PRRC2B: variants seen among roughly 807,000 people sequenced by gnomAD.
PRRC2B encodes the protein proline rich coiled-coil 2B.
Under a neutral mutation model 242.3 loss-of-function variants are expected in PRRC2B, and 68 were observed. The observed-to-expected ratio is 0.28, with a 90% CI of 0.23 to 0.34. The LOEUF is 0.34. PRRC2B is among the 10% of genes least tolerant of loss of function. The pLI is 1.00. For missense variants in PRRC2B, 2,835 were observed against 2,954.8 expected (o/e 0.96, Z 0.94); for synonymous variants, 1,228 against 1,173.6 (o/e 1.05, Z -0.95).
At chr9:131,420,408 T>C (rs1270917769) in intron 1 of PRRC2B, among the ~76,000 whole-genome samples, 1 of 151,574 alleles carries the variant, frequency 6.6e-6, no homozygotes. Flanking sequence ...GCTTTAGGGC[T>C]CTTTGAAAGC....
In PRRC2B at chr9:131,482,916, T is replaced by A. The variant is rs1348277372; in HGVS notation, c.5373+9T>A. The stretch of plus-strand genomic sequence containing the variant: ...TTGGAGTCAGTCCAAAAGTGAGGCT[T>A]TGATTTGTTTTCTTGCTTGCTTTTT... On this transcript the variant is annotated intron_variant, in intron 22 of 31. Transcript: ENST00000683519. The surrounding 1 kb of genome is among the most constrained non-coding windows in gnomAD (Gnocchi z 5.2). The A allele has an allele frequency of 3.8e-6, 6 of 1,598,546 alleles. No homozygotes were observed. Among genetic ancestry groups the A allele is most frequent in the Non-Finnish European group, 4.3e-6 (5 of 1,172,322 alleles).
At chr9:131,433,122 CAG>C (rs1349843174) in intron 3 of PRRC2B, among the ~76,000 whole-genome samples, 45 of 152,210 alleles carry the variant, frequency 3.0e-4, no homozygotes, top group Non-Finnish European at 7.3e-5. Context: ...TGCAATGACT[CAG>C]AGCCAATTCC....
chr9:131,476,621 CGT>C, intron 16 of PRRC2B, 86 bp downstream of exon 16: 1 of 1,278,012 alleles, frequency 7.8e-7, no homozygotes, highest in Non-Finnish European at 1.1e-6. Flanking sequence ...CCGATGCCGC[CGT>C]GTGTCGGGGC....
chr9:131,443,694 G>A (rs1043425726), intron 5 of PRRC2B, among the ~76,000 whole-genome samples: 2 of 152,222 alleles, frequency 1.3e-5, no homozygotes, highest in South Asian at 2.1e-4. Flanking sequence ...GCCTCCCAAA[G>A]TGCTAGGATT....
chr9:131,488,271 T>A (rs1944084072), intron 28 of PRRC2B, among the ~76,000 whole-genome samples, 175 bp downstream of exon 28: 1 of 131,350 alleles, frequency 7.6e-6, no homozygotes, highest in Admixed American at 8.5e-5. Context: ...CCCATCACCT[T>A]TTTTTTTTTT....
intron 1 of PRRC2B, among the ~76,000 whole-genome samples, chr9:131,385,675 T>C (rs1836816447): frequency 6.6e-6 from 1 of 150,538 alleles, no homozygotes; most frequent in African/African-American, 2.4e-5. Flanking sequence ...CCCAGAAAAA[T>C]GCTCAGTAAA....
chr9:131,474,339 A>C (rs1369630915), intron 15 of PRRC2B, 115 bp from the exon 16 acceptor site: 4 of 895,166 alleles, frequency 4.5e-6, no homozygotes, highest in Non-Finnish European at 5.0e-6. Context: ...TCTTTTTAAA[A>C]AGTGTTTTAG....
chr9:131,444,252 A>C lies in PRRC2B; in HGVS notation c.537A>C (p.Gly179=). 6.2e-7 allele frequency: 1 copy of C among 1,613,972 alleles called. No individual in the cohort carries two copies. The highest frequency in any genetic ancestry group is 8.5e-7 in the Non-Finnish European group (1 of 1,179,878). Reference sequence around the variant, plus strand: ...AATTTCCGACGCTGAAAGCAGCTGGAGGGCAGGACAAGGCTGGCAAAGAAA... The same window carrying C: ...AATTTCCGACGCTGAAAGCAGCTGGCGGGCAGGACAAGGCTGGCAAAGAAA... ...PEEFPTLKAA[G]GQDKAGKEKG... is the part of the protein sequence containing the mutation. The change falls in exon 6 of 32, where the codon GGA becomes GGC. Residue 179 remains glycine (G), a synonymous_variant. Transcript: ENST00000683519.
intron 1 of PRRC2B, among the ~76,000 whole-genome samples, chr9:131,418,633 A>G (rs1305894696): frequency 6.6e-6 from 1 of 152,174 alleles, no homozygotes; most frequent in African/African-American, 2.4e-5. Context: ...CCTACAGGGG[A>G]AAGGCTTTGG....
chr9:131,444,755 C>T (rs769702239), intron 6 of PRRC2B, among the ~76,000 whole-genome samples: 1 of 152,154 alleles, frequency 6.6e-6, no homozygotes, highest in Non-Finnish European at 1.5e-5. Context: ...CCAATTAGGA[C>T]CTGTATTTTT....
chr9:131,468,046 C>A (rs1189698904), intron 13 of PRRC2B, among the ~76,000 whole-genome samples: 1 of 152,210 alleles, frequency 6.6e-6, no homozygotes, highest in Non-Finnish European at 1.5e-5. Context: ...CTATTCAGTG[C>A]TGTTTGCAGT....
At chr9:131,410,533 T>C (rs919345742) in intron 1 of PRRC2B, among the ~76,000 whole-genome samples, 1 of 152,136 alleles carries the variant, frequency 6.6e-6, no homozygotes, top group African/African-American at 2.4e-5. Context: ...CCCAAGTAAG[T>C]CTGGATGTCA....
intron 1 of PRRC2B, among the ~76,000 whole-genome samples, chr9:131,399,576 C>T (rs1009915802): frequency 6.6e-6 from 1 of 151,850 alleles, no homozygotes; most frequent in African/African-American, 2.4e-5. Context: ...GAGACTCCAT[C>T]TGAAAAAAAA....
chr9:131,417,081 C>T (rs559376285), intron 1 of PRRC2B, among the ~76,000 whole-genome samples: 1 of 152,254 alleles, frequency 6.6e-6, no homozygotes, highest in East Asian at 1.9e-4. Flanking sequence ...TGCATGGACT[C>T]TTCAGAGTGG....
intron 9 of PRRC2B, among the ~76,000 whole-genome samples, chr9:131,448,571 G>GGAAAGA (rs1838903475): frequency 2.4e-5 from 1 of 42,356 alleles, no homozygotes; most frequent in East Asian, 8.5e-4. Context: ...AAAAAAAAAA[G>GGAAAGA]GAAAGAGAAA....
intron 15 of PRRC2B, 123 bp downstream of exon 15, chr9:131,473,847 G>T: frequency 2.9e-6 from 2 of 686,854 alleles, no homozygotes; most frequent in Non-Finnish European, 4.9e-6. Context: ...GCTCCTTGAA[G>T]GGACTCCTGG....
chr9:131,418,813 TAC>T (rs1470874246), intron 1 of PRRC2B, among the ~76,000 whole-genome samples: 6 of 152,240 alleles, frequency 3.9e-5, no homozygotes, highest in African/African-American at 9.6e-5. Context: ...TTGGAATTAA[TAC>T]ACAGTGTTTT....
chr9:131,490,707 A>C (rs1011485494), intron 28 of PRRC2B: 7 of 440,376 alleles, frequency 1.6e-5, no homozygotes, highest in African/African-American at 1.4e-4. Context: ...AGCATGCTTC[A>C]AAGGACCCCC....
chr9:131,482,653 C>T lies in PRRC2B; in HGVS notation c.5176-57C>T. 1 of 1,519,052 alleles carries T rather than the reference C, an allele frequency of 6.6e-7. No individual in the cohort carries two copies. Among genetic ancestry groups the T allele is most frequent in the Non-Finnish European group, 8.9e-7 (1 of 1,129,938 alleles). The allele number at this position is 1,519,052 out of a possible 1,614,324, so 94.1% of individuals were successfully genotyped here. A position where few individuals can be genotyped will look rare whatever the true frequency, so the allele number is the denominator to read the frequency against. On this transcript the variant is annotated intron_variant, in intron 21 of 31. Coordinates refer to ENST00000683519, the MANE Select transcript of PRRC2B (RefSeq NM_013318.4). The surrounding 1 kb of genome is among the most constrained non-coding windows in gnomAD (Gnocchi z 5.2). ...TCCTCAATTCCTGGGACAGTAGAAGCTAGAGAGTGTGGTCATTCCAGTCTG... is the reference window on the plus strand; with the variant it reads ...TCCTCAATTCCTGGGACAGTAGAAGTTAGAGAGTGTGGTCATTCCAGTCTG...
Sources: gnomAD v4.1 joint callset for allele counts (sites outside exome capture counted in the v4.1 genomes callset) on GRCh38, gnomAD v4.1.1 for gene constraint, Gnocchi (gnomAD v3.1) non-coding constraint, MANE v1.5 for transcripts, NCBI Gene and HGNC (gene_info 2026-07-23, HGNC 2026-07-21) for gene names.